The following CASK variants were observed in gnomAD, a reference collection of about 807,000 sequenced individuals.
CASK encodes peripheral plasma membrane protein CASK.
In CASK, 4 loss-of-function variants were observed where a neutral mutation model predicts 82.9. The ratio of observed to expected loss-of-function variants is 0.05; its 90% CI spans 0.02 to 0.11. The LOEUF (loss-of-function observed/expected upper bound fraction) is 0.11, where lower values mean the gene tolerates loss of function less well. Among genes scored for constraint, CASK ranks in the 10% least tolerant of loss-of-function variants. CASK has a pLI of 1.00. For missense variants in CASK, 358 were observed against 720.9 expected, an observed-to-expected ratio of 0.50 and a Z score of 5.76; for synonymous variants, 259 against 253.5, an observed-to-expected ratio of 1.02 and a Z score of -0.20.
intron 8 of CASK, among the ~76,000 whole-genome samples, chrX:41,637,232 G>C (rs753550663): frequency 9.1e-6 from 1 of 109,354 alleles, no homozygotes; most frequent in African/African-American, 3.3e-5. Flanking sequence ...GGATTTACAG[G>C]TGTAAGCCAC....
intron 5 of CASK, chrX:41,728,133 A>G (rs1290271234): frequency 1.0e-5 from 4 of 399,080 alleles, no homozygotes; most frequent in African/African-American, 7.8e-5. Context: ...AGCTTGGTTG[A>G]CAATAATCAC....
At chrX:41,836,141 GA>G (rs1023987946) in intron 2 of CASK, among the ~76,000 whole-genome samples, 19 of 110,226 alleles carry the variant, frequency 1.7e-4, no homozygotes, top group African/African-American at 6.3e-4. Context: ...GCCCTGTGGG[GA>G]AAAAAAGATA....
At position 41,701,940 on chromosome X, in the gene CASK, C is replaced by G. The variant is rs150335488; in HGVS notation, c.430-30410G>C. Among the ~76,000 whole-genome samples the G allele has an allele frequency of 5.7e-3, 637 of 112,312 alleles. 5 individuals are homozygous for G. Among genetic ancestry groups the G allele is most frequent in the African/African-American group, 0.02 (617 of 30,951 alleles). Reference sequence around the variant, plus strand: ...GACTTCCATTCTACTGACATTGTCTCTGCTAATGCTTTTCACTTTTGTTTA... The same window carrying G: ...GACTTCCATTCTACTGACATTGTCTGTGCTAATGCTTTTCACTTTTGTTTA... On this transcript the variant is annotated intron_variant, in intron 5 of 26. Coordinates refer to ENST00000378163, the MANE Select transcript of CASK (RefSeq NM_001367721.1).
At chrX:41,770,310 A>ATCCATCCATCCAT (rs1465927861) in intron 3 of CASK, among the ~76,000 whole-genome samples, 3 of 96,858 alleles carry the variant, frequency 3.1e-5, no homozygotes, top group African/African-American at 1.1e-4. Context: ...CTACCTACCT[A>ATCCATCCATCCAT]CCTATCCATC....
intron 12 of CASK, among the ~76,000 whole-genome samples, chrX:41,590,510 CAAAAAAA>C (rs763695085): frequency 6.4e-5 from 2 of 31,321 alleles, no homozygotes; most frequent in African/African-American, 1.4e-4. Context: ...ATTCCGTCTC[CAAAAAAA>C]AAAAAAAAAA....
At chrX:41,868,934 A>T (rs944859855) in intron 1 of CASK, among the ~76,000 whole-genome samples, 1 of 111,611 alleles carries the variant, frequency 9.0e-6, no homozygotes, top group African/African-American at 3.3e-5. Flanking sequence ...ACAAAGAAAC[A>T]AGGAAGAAGC....
chrX:41,776,207 C>A (rs2069361607), intron 3 of CASK, among the ~76,000 whole-genome samples: 1 of 111,929 alleles, frequency 8.9e-6, no homozygotes, highest in African/African-American at 3.2e-5. Flanking sequence ...AGCATCACCA[C>A]AAACGTGAGT....
chrX:41,852,807 A>T (rs1250505617), intron 2 of CASK, among the ~76,000 whole-genome samples: 1 of 110,134 alleles, frequency 9.1e-6, no homozygotes, highest in African/African-American at 3.3e-5. Flanking sequence ...CCATCCCATG[A>T]CCCACACAAT....
In CASK at chrX:41,864,400, C is replaced by T. The variant is rs184562558; in HGVS notation, c.60-11173G>A. 1.2e-3 allele frequency among the ~76,000 whole-genome samples: 135 copies of T among 111,369 alleles called. 2 individuals carry two copies. The highest frequency in any genetic ancestry group is 4.3e-3 in the African/African-American group (131 of 30,620). On this transcript the variant is annotated intron_variant, in intron 1 of 26. Transcript: ENST00000378163. ...GGGAAACACCATATAAAATACCTAC[C>T]TCCTGCCCCCGTACTCATATTACAC...
intron 1 of CASK, among the ~76,000 whole-genome samples, chrX:41,891,630 T>C (rs985901320): frequency 6.3e-5 from 7 of 111,708 alleles, no homozygotes; most frequent in African/African-American, 2.3e-4. Flanking sequence ...CCAGTTGTAA[T>C]ATCCAATCAT....
intron 2 of CASK, among the ~76,000 whole-genome samples, chrX:41,816,574 T>C (rs1217277970): frequency 9.1e-6 from 1 of 110,013 alleles, no homozygotes; most frequent in Non-Finnish European, 1.9e-5. Flanking sequence ...AAAAATGGGT[T>C]CTTGAAATAG....
chrX:41,874,245 G>A (rs184940466), intron 1 of CASK, among the ~76,000 whole-genome samples: 1 of 111,601 alleles, frequency 9.0e-6, no homozygotes, highest in Admixed American at 9.4e-5. Context: ...ATAGGTAAAC[G>A]TGTGCCATGG....
intron 2 of CASK, among the ~76,000 whole-genome samples, chrX:41,817,236 C>A (rs2070430179): frequency 8.9e-6 from 1 of 112,192 alleles, no homozygotes; most frequent in Admixed American, 9.4e-5. Flanking sequence ...TCAAAAAGGT[C>A]ATCCACAAAA....
At chrX:41,766,001 A>G (rs1212706118) in intron 3 of CASK, among the ~76,000 whole-genome samples, 3 of 112,405 alleles carry the variant, frequency 2.7e-5, no homozygotes, top group African/African-American at 9.7e-5. Flanking sequence ...GCAGAATGTT[A>G]ATTTTGGGAA....
At chrX:41,564,621 A>G (rs2065283156) in intron 16 of CASK, among the ~76,000 whole-genome samples, 1 of 111,790 alleles carries the variant, frequency 8.9e-6, no homozygotes, top group African/African-American at 3.3e-5. Flanking sequence ...TAATATAACA[A>G]AGAGAAGTTA....
chrX:41,687,965 C>CAAAAAAAAAAAAA (rs76783862), intron 5 of CASK, among the ~76,000 whole-genome samples: 1 of 24,580 alleles, frequency 4.1e-5, no homozygotes, highest in Non-Finnish European at 7.8e-5. Context: ...AACTCCGTCT[C>CAAAAAAAAAAAAA]AAAAAAAAAA....
intron 15 of CASK, among the ~76,000 whole-genome samples, chrX:41,577,493 C>T (rs2065499563): frequency 9.0e-6 from 1 of 111,358 alleles, no homozygotes; most frequent in African/African-American, 3.3e-5. Context: ...TCAATAGCCT[C>T]CCATTGTTTT....
intron 5 of CASK, among the ~76,000 whole-genome samples, chrX:41,710,185 C>T (rs1299773172): frequency 9.6e-6 from 1 of 104,066 alleles, no homozygotes; most frequent in African/African-American, 3.5e-5. Flanking sequence ...ATTCTATCCT[C>T]AACTGCTTTA....
At position 41,665,612 on chromosome X, in the gene CASK, GA is replaced by G; in HGVS notation, c.533-161del. The stretch of plus-strand genomic sequence containing the variant: ...TCCATAAAATCAAGTTCACATAGGT[GA>G]AAAAAATTACTTATCTAATTGCTTC... On this transcript the variant is annotated intron_variant, in intron 6 of 26. Coordinates refer to ENST00000378163, the MANE Select transcript of CASK (RefSeq NM_001367721.1). The G allele has an allele frequency of 8.5e-6, 4 of 468,786 alleles. No homozygotes were observed. The South Asian group carries it at 1.3e-4, about 16-fold the overall frequency. The allele number at this position is 468,786 out of a possible 1,213,427, so 38.6% of individuals were successfully genotyped here.
Sources: allele counts gnomAD v4.1 joint callset (sites outside exome capture counted in the v4.1 genomes callset), GRCh38; gene constraint gnomAD v4.1.1; transcripts MANE v1.5; gene names NCBI Gene and HGNC (gene_info 2026-07-23, HGNC 2026-07-21).